Variants in PTBP3 observed in about 807,000 individuals in gnomAD.
PTBP3 encodes polypyrimidine tract-binding protein 3.
PTBP3 carries 20 observed loss-of-function variants against 58.7 expected under a neutral mutation model. The observed-to-expected ratio is 0.34, with a 90% CI of 0.24 to 0.50. The LOEUF (loss-of-function observed/expected upper bound fraction) is 0.50. Ranked by LOEUF, PTBP3 falls within the 20% of genes least tolerant of loss-of-function variation. The pLI is 0.98. For missense variants in PTBP3, 509 were observed against 637.2 expected (o/e 0.80, Z 2.17); for synonymous variants, 185 against 219.8 (o/e 0.84, Z 1.40).
chr9:112,327,111 G>A (rs1830188138), intron 1 of PTBP3, among the ~76,000 whole-genome samples: 2 of 152,088 alleles, frequency 1.3e-5, no homozygotes, highest in South Asian at 4.2e-4. Flanking sequence ...GGCTGAGGTA[G>A]GAGGATCACT....
chr9:112,293,328 A>C (rs1828528067), intron 2 of PTBP3, among the ~76,000 whole-genome samples: 1 of 151,946 alleles, frequency 6.6e-6, no homozygotes, highest in Admixed American at 6.5e-5. Context: ...GTATGTCATA[A>C]TGTTATGGTA....
intron 2 of PTBP3, 48 bp from the exon 3 acceptor site, chr9:112,276,061 T>C: frequency 6.6e-7 from 1 of 1,511,352 alleles, no homozygotes; most frequent in Non-Finnish European, 9.2e-7. Context: ...TAATTTGGGT[T>C]GACATACTAC....
At chr9:112,332,024 C>T (rs549366344) in intron 1 of PTBP3, among the ~76,000 whole-genome samples, 2 of 150,834 alleles carry the variant, frequency 1.3e-5, no homozygotes, top group African/African-American at 4.9e-5. Context: ...CAAATCTTTA[C>T]GACCACAAAA....
intron 1 of PTBP3, chr9:112,333,139 G>A: frequency 4.8e-6 from 6 of 1,243,730 alleles, no homozygotes; most frequent in Non-Finnish European, 5.0e-6. Flanking sequence ...GCCGAGCTGG[G>A]CTCCCCGGAC....
At chr9:112,270,118 T>G (rs973925186) in intron 3 of PTBP3, among the ~76,000 whole-genome samples, 4 of 152,190 alleles carry the variant, frequency 2.6e-5, no homozygotes, top group Admixed American at 2.6e-4. Flanking sequence ...GGCTAATTTT[T>G]GGGTTTATAG....
At chr9:112,366,011 C>A in the PTBP3 span, among the ~76,000 whole-genome samples, 1 of 152,098 alleles carries the variant, frequency 6.6e-6, no homozygotes, top group Non-Finnish European at 1.5e-5. Flanking sequence ...GCATAAGTGG[C>A]TGGGCACAGT....
At chr9:112,274,739 A>G (rs1827535773) in intron 3 of PTBP3, among the ~76,000 whole-genome samples, 1 of 152,228 alleles carries the variant, frequency 6.6e-6, no homozygotes, top group Non-Finnish European at 1.5e-5. Flanking sequence ...AGCCTCCTGC[A>G]CTACACCCCA....
At chr9:112,255,558 T>C (rs1836313236) in intron 5 of PTBP3, among the ~76,000 whole-genome samples, 1 of 152,164 alleles carries the variant, frequency 6.6e-6, no homozygotes, top group Non-Finnish European at 1.5e-5. Flanking sequence ...CAGGTGGCGT[T>C]CTAAATTATA....
intron 1 of PTBP3, among the ~76,000 whole-genome samples, chr9:112,302,511 C>T (rs913924273): frequency 3.3e-5 from 5 of 150,358 alleles, no homozygotes; most frequent in South Asian, 4.2e-4. Flanking sequence ...GGCACCTAGA[C>T]GAGGTGTTAA....
chr9:112,297,906 T>A lies in PTBP3; in HGVS notation c.-41A>T. ...AATGATGCCAGAAGAAAGAAGCTCA[T>A]CAGATCCCCGCTGAAAAGCAAAACC... On this transcript the variant is annotated 5_prime_UTR_variant, in exon 2 of 14. The change abolishes an upstream ATG in the 5' untranslated region. Transcript: ENST00000374257. 2 of 1,612,044 alleles carry A rather than the reference T, an allele frequency of 1.2e-6. No individual in the cohort carries two copies. Among genetic ancestry groups the A allele is most frequent in the South Asian group, 1.1e-5 (1 of 90,786 alleles).
At chr9:112,246,050 T>G (rs1212526785) in intron 7 of PTBP3, among the ~76,000 whole-genome samples, 4 of 151,930 alleles carry the variant, frequency 2.6e-5, no homozygotes, top group Admixed American at 2.6e-4. Flanking sequence ...TAGCGGGATC[T>G]TGGTTCACTG....
intron 5 of PTBP3, among the ~76,000 whole-genome samples, chr9:112,256,574 G>A (rs575545870): frequency 9.2e-5 from 14 of 151,990 alleles, no homozygotes; most frequent in Admixed American, 2.0e-4. Context: ...CCTGTCACCC[G>A]TAATGGTGTG....
At chr9:112,309,733 A>G (rs1201079255) in intron 1 of PTBP3, among the ~76,000 whole-genome samples, 1 of 151,708 alleles carries the variant, frequency 6.6e-6, no homozygotes, top group Non-Finnish European at 1.5e-5. Context: ...GGCTGCAGTG[A>G]GCTGAGATTG....
chr9:112,330,811 T>C (rs1227881976), intron 1 of PTBP3, among the ~76,000 whole-genome samples: 1 of 152,206 alleles, frequency 6.6e-6, no homozygotes, highest in Non-Finnish European at 1.5e-5. Context: ...CCAAAGTTTG[T>C]TCTTTTAAGT....
intron 7 of PTBP3, among the ~76,000 whole-genome samples, chr9:112,235,382 C>T (rs1835400451): frequency 1.3e-5 from 2 of 152,140 alleles, no homozygotes; most frequent in South Asian, 4.1e-4. Flanking sequence ...AGAGGATTCA[C>T]TGTGACTGGT....
intron 2 of PTBP3, among the ~76,000 whole-genome samples, chr9:112,286,030 A>C (rs879669409): frequency 6.6e-6 from 1 of 152,234 alleles, no homozygotes; most frequent in Non-Finnish European, 1.5e-5. Context: ...TCTACTCAAT[A>C]AATTGACCTC....
intron 1 of PTBP3, among the ~76,000 whole-genome samples, chr9:112,316,887 G>A (rs953590535): frequency 5.9e-5 from 9 of 151,810 alleles, no homozygotes; most frequent in Non-Finnish European, 1.2e-4. Context: ...CAGGAAAATC[G>A]CTTGAACCCG....
chr9:112,242,179 G>C (rs749579829), intron 7 of PTBP3, among the ~76,000 whole-genome samples: 9 of 152,074 alleles, frequency 5.9e-5, no homozygotes, highest in Non-Finnish European at 1.2e-4. Context: ...CCGAAATGGA[G>C]TACAGCAGCT....
At chr9:112,329,726 A>C (rs1830291720) in intron 1 of PTBP3, among the ~76,000 whole-genome samples, 1 of 152,174 alleles carries the variant, frequency 6.6e-6, no homozygotes, top group African/African-American at 2.4e-5. Flanking sequence ...CATGTAAAGC[A>C]CCTGACACAT....
Sources: allele counts gnomAD v4.1 joint callset (sites outside exome capture counted in the v4.1 genomes callset), GRCh38; gene constraint gnomAD v4.1.1; transcripts MANE v1.5; gene names NCBI Gene and HGNC (gene_info 2026-07-23, HGNC 2026-07-21).